NAALADL2: variants seen among roughly 807,000 people sequenced by gnomAD.
NAALADL2 encodes N-acetylated alpha-linked acidic dipeptidase like 2, also known as inactive N-acetylated-alpha-linked acidic dipeptidase-like protein 2.
NAALADL2 carries 76 observed loss-of-function variants against 87.2 expected under a neutral mutation model. The observed-to-expected ratio is 0.87, with a 90% CI of 0.72 to 1.05. The LOEUF is 1.05. NAALADL2 is among the 50% of genes least tolerant of loss of function. The pLI is 0.00. For synonymous variants in NAALADL2, 354 were observed against 331.0 expected (o/e 1.07, Z -0.75); for missense variants, 1,089 against 945.8 (o/e 1.15, Z -1.99).
At chr3:174,897,214 A>G (rs554286283) in intron 1 of NAALADL2, among the ~76,000 whole-genome samples, 1 of 152,310 alleles carries the variant, frequency 6.6e-6, no homozygotes, top group South Asian at 2.1e-4. Flanking sequence ...GATACAGTCA[A>G]CTAAGTGAAG....
rs907088681 is a variant in NAALADL2 at position 175,328,571 on chromosome 3, G to C, written c.1090+4246G>C. On this transcript the variant is annotated intron_variant, in intron 5 of 13. Transcript: ENST00000454872. ...TTTCAACTGCACTAAACTGTGATCC[G>C]AATAAATCTGATTTCCCAGGACCAT... Among the ~76,000 whole-genome samples the C allele has an allele frequency of 2.0e-5, 3 of 152,076 alleles. No homozygotes were observed. In the South Asian group the frequency reaches 6.2e-4, roughly 31 times the overall value.
At chr3:175,762,873 G>A (rs752654696) in intron 13 of NAALADL2, among the ~76,000 whole-genome samples, 14 of 151,980 alleles carry the variant, frequency 9.2e-5, no homozygotes, top group Non-Finnish European at 1.8e-4. Flanking sequence ...TCACGAGGTC[G>A]GGAGACCGAG....
rs186612433 is a variant in NAALADL2, at chr3:175,651,763, G to T, written c.1896+24377G>T. Among the ~76,000 whole-genome samples the T allele has an allele frequency of 4.8e-4, 73 of 152,082 alleles. 1 individual carries two copies. Among genetic ancestry groups the T allele is most frequent in the Admixed American group, 9.8e-4 (15 of 15,294 alleles). On this transcript the variant is annotated intron_variant, in intron 11 of 13. Transcript: ENST00000454872. ...TGCCAAGGCTTTATAATTTGTGCAG[G>T]GTTTTGTTTATCACACACTTAATTT... is the stretch of plus-strand genomic sequence containing the variant.
At chr3:174,677,483 A>T (rs1234556123) in intron 2 of NAALADL2, among the ~76,000 whole-genome samples, 1 of 152,098 alleles carries the variant, frequency 6.6e-6, no homozygotes, top group Non-Finnish European at 1.5e-5. Flanking sequence ...GCTTCTGTGA[A>T]CATTCTTATA....
chr3:174,882,674 T>C (rs190060539), intron 1 of NAALADL2, among the ~76,000 whole-genome samples: 5 of 131,220 alleles, frequency 3.8e-5, no homozygotes, highest in Non-Finnish European at 6.3e-5. Flanking sequence ...TATACACATA[T>C]GTGTATATGT....
intron 10 of NAALADL2, among the ~76,000 whole-genome samples, chr3:175,599,042 G>A (rs1052076552): frequency 6.6e-6 from 1 of 152,100 alleles, no homozygotes; most frequent in African/African-American, 2.4e-5. Context: ...CGCCTTGGAA[G>A]AACATCTTTG....
intron 11 of NAALADL2, among the ~76,000 whole-genome samples, chr3:175,724,102 T>A (rs999099762): frequency 3.9e-5 from 6 of 152,266 alleles, no homozygotes; most frequent in East Asian, 3.9e-4. Context: ...TTGAATTATA[T>A]GTAGGGGCTT....
At chr3:175,331,729 C>A (rs2110500563) in intron 5 of NAALADL2, among the ~76,000 whole-genome samples, 1 of 152,316 alleles carries the variant, frequency 6.6e-6, no homozygotes, top group Non-Finnish European at 1.5e-5. Context: ...TCCTATTCAA[C>A]ATAGTACTGG....
At chr3:174,751,858 ATGTG>A (rs148978072) in intron 3 of NAALADL2, among the ~76,000 whole-genome samples, 13 of 151,150 alleles carry the variant, frequency 8.6e-5, no homozygotes, top group African/African-American at 2.4e-4. Context: ...TTATGTATGT[ATGTG>A]TGTGTGTGTG....
chr3:175,463,973 G>A (rs1481647444), intron 7 of NAALADL2, among the ~76,000 whole-genome samples: 1 of 151,940 alleles, frequency 6.6e-6, no homozygotes. Flanking sequence ...GAGACTACAG[G>A]CACCCACCAC....
chr3:174,581,066 A>G (rs1716113925), intron 2 of NAALADL2, among the ~76,000 whole-genome samples: 1 of 152,074 alleles, frequency 6.6e-6, no homozygotes, highest in African/African-American at 2.4e-5. Context: ...GTGGCTTTGC[A>G]TAGAATGATG....
intron 5 of NAALADL2, among the ~76,000 whole-genome samples, chr3:175,358,654 G>A (rs1326396197): frequency 6.6e-6 from 1 of 152,130 alleles, no homozygotes; most frequent in South Asian, 2.1e-4. Flanking sequence ...ATTTTTCTCT[G>A]TACTATACTG....
At chr3:175,209,247 T>C (rs1165691323) in intron 2 of NAALADL2, among the ~76,000 whole-genome samples, 6 of 152,112 alleles carry the variant, frequency 3.9e-5, no homozygotes, top group African/African-American at 1.4e-4. Flanking sequence ...ATTTATTCAA[T>C]AGCTATAAAA....
intron 12 of NAALADL2, among the ~76,000 whole-genome samples, chr3:175,740,102 G>A (rs924054807): frequency 7.2e-5 from 11 of 152,264 alleles, no homozygotes; most frequent in African/African-American, 2.4e-4. Context: ...TATAGGAGGA[G>A]ACCAAGGAGG....
intron 13 of NAALADL2, chr3:175,775,058 A>G (rs1419762387): frequency 2.0e-5 from 3 of 149,816 alleles, no homozygotes; most frequent in Admixed American, 6.6e-5. Context: ...TTGGCTTATG[A>G]CATATCTAAG....
intron 11 of NAALADL2, among the ~76,000 whole-genome samples, chr3:175,669,361 T>C (rs1165340082): frequency 2.6e-5 from 4 of 152,062 alleles, no homozygotes; most frequent in African/African-American, 4.8e-5. Context: ...CAATAAGTTG[T>C]AGGACGATGC....
intron 4 of NAALADL2, among the ~76,000 whole-genome samples, chr3:175,306,338 A>G (rs1757718601): frequency 6.6e-6 from 1 of 152,178 alleles, no homozygotes. Flanking sequence ...TTTTACCTAT[A>G]TAAGGCAAAT....
chr3:174,570,165 T>G (rs945700958), intron 2 of NAALADL2, among the ~76,000 whole-genome samples: 13 of 152,260 alleles, frequency 8.5e-5, no homozygotes, highest in African/African-American at 3.1e-4. Context: ...AAAACAAGTT[T>G]TTTTGTATCT....
At chr3:175,423,429 A>G (rs935150734) in intron 5 of NAALADL2, among the ~76,000 whole-genome samples, 1 of 59,814 alleles carries the variant, frequency 1.7e-5, no homozygotes, top group African/African-American at 7.6e-5. Context: ...CCCCCATCCC[A>G]CAACAGGCCC....
Sources: allele counts gnomAD v4.1 joint callset (sites outside exome capture counted in the v4.1 genomes callset), GRCh38; gene constraint gnomAD v4.1.1; transcripts MANE v1.5; gene names NCBI Gene and HGNC (gene_info 2026-07-23, HGNC 2026-07-21).